NAALADL2: variants seen among roughly 807,000 people sequenced by gnomAD.
NAALADL2 encodes the protein inactive N-acetylated-alpha-linked acidic dipeptidase-like protein 2.
Under a neutral mutation model 87.2 loss-of-function variants are expected in NAALADL2, and 76 were observed. The observed-to-expected ratio is 0.87, with a 90% CI of 0.72 to 1.05. The LOEUF is 1.05. Among genes scored for constraint, NAALADL2 ranks in the 50% least tolerant of loss-of-function variants. The probability of loss-of-function intolerance (pLI) is 0.00; values close to 1 mark genes in which losing one functional copy is unlikely to be tolerated. For synonymous variants in NAALADL2, 354 were observed against 331.0 expected, an observed-to-expected ratio of 1.07 and a Z score of -0.75; for missense variants, 1,089 against 945.8, an observed-to-expected ratio of 1.15 and a Z score of -1.99.
At chr3:175,291,803 T>C (rs541557489) in intron 4 of NAALADL2, among the ~76,000 whole-genome samples, 2 of 152,142 alleles carry the variant, frequency 1.3e-5, no homozygotes, top group Non-Finnish European at 2.9e-5. Flanking sequence ...ATAATCACCA[T>C]GAAAACATAC....
chr3:174,666,299 C>A (rs566113826), intron 2 of NAALADL2, among the ~76,000 whole-genome samples: 2 of 152,234 alleles, frequency 1.3e-5, no homozygotes, highest in South Asian at 4.1e-4. Flanking sequence ...CCATAGATGA[C>A]AGCACAAACC....
At chr3:175,326,231 A>G (rs1472406175) in intron 5 of NAALADL2, among the ~76,000 whole-genome samples, 2 of 152,186 alleles carry the variant, frequency 1.3e-5, no homozygotes, top group Non-Finnish European at 2.9e-5. Context: ...CCTTTACTTC[A>G]GTTTTCAGTA....
chr3:175,313,068 G>A (rs1402009261), intron 4 of NAALADL2, among the ~76,000 whole-genome samples: 1 of 152,042 alleles, frequency 6.6e-6, no homozygotes, highest in African/African-American at 2.4e-5. Context: ...TTCTCCTAAG[G>A]CCTTTCTCCT....
At chr3:175,294,862 A>G (rs7633803) in intron 4 of NAALADL2, among the ~76,000 whole-genome samples, 126,558 of 152,142 alleles carry the variant, frequency 0.83, 53,501 homozygotes, top group African/African-American at 0.94. Context: ...TCAGTAGAGG[A>G]TCTGCCATGC....
At chr3:174,780,139 T>C (rs543390125) in intron 3 of NAALADL2, among the ~76,000 whole-genome samples, 1 of 152,288 alleles carries the variant, frequency 6.6e-6, no homozygotes, top group Admixed American at 6.5e-5. Flanking sequence ...TGTCCTCTCT[T>C]ATTTCCTTGA....
chr3:175,504,446 G>T (rs1171952904), intron 9 of NAALADL2, among the ~76,000 whole-genome samples: 5 of 152,044 alleles, frequency 3.3e-5, no homozygotes, highest in Admixed American at 6.6e-5. Context: ...CTGGAGATAG[G>T]GTCTATAGGA....
chr3:175,023,305 TTAGTGTAA>T (rs1751803445), intron 1 of NAALADL2, among the ~76,000 whole-genome samples: 1 of 152,076 alleles, frequency 6.6e-6, no homozygotes, highest in South Asian at 2.1e-4. Flanking sequence ...TCTCTTGATT[TTAGTGTAA>T]TTTATTCATA....
chr3:175,001,108 C>T (rs1440006588), intron 1 of NAALADL2, among the ~76,000 whole-genome samples: 1 of 152,200 alleles, frequency 6.6e-6, no homozygotes. Context: ...AGGAAGGTTC[C>T]AGTCCAACCC....
intron 5 of NAALADL2, among the ~76,000 whole-genome samples, chr3:175,416,960 G>A (rs1159832913): frequency 3.3e-5 from 5 of 151,646 alleles, no homozygotes; most frequent in African/African-American, 9.7e-5. Context: ...ATTAAAAAAT[G>A]TAATATTGAG....
Position 175,807,753 on chromosome 3 carries a change from GTTT to G in NAALADL2, c.*4553_*4555del, listed in dbSNP as rs1431367047. On this transcript the variant is annotated 3_prime_UTR_variant, in exon 14 of 14. Transcript: ENST00000454872. ...ATATTCTGCCCAGCCACACTGGTGAGTTTTTATTTCTTGTATGAGTTTAAATTG... is the reference window on the plus strand; with the variant it reads ...ATATTCTGCCCAGCCACACTGGTGAGTTATTTCTTGTATGAGTTTAAATTG... 1.3e-5 allele frequency: 2 copies of G among 151,832 alleles called. No homozygotes were observed. The highest frequency in any genetic ancestry group is 4.8e-5 in the African/African-American group (2 of 41,386). The allele number at this position is 151,832 out of a possible 1,614,324, so 9.4% of individuals were successfully genotyped here.
chr3:175,511,377 T>A (rs1731127233), intron 9 of NAALADL2, among the ~76,000 whole-genome samples: 1 of 152,184 alleles, frequency 6.6e-6, no homozygotes, highest in Non-Finnish European at 1.5e-5. Context: ...AGGTTCTAAT[T>A]CAATCTGACT....
At chr3:175,118,123 G>A (rs572260690) in intron 2 of NAALADL2, among the ~76,000 whole-genome samples, 7 of 138,960 alleles carry the variant, frequency 5.0e-5, no homozygotes, top group Admixed American at 1.4e-4. Flanking sequence ...CGTAGGGTGG[G>A]GGGGAGGCCA....
At chr3:174,784,280 C>T (rs1716341752) in intron 3 of NAALADL2, among the ~76,000 whole-genome samples, 2 of 152,134 alleles carry the variant, frequency 1.3e-5, no homozygotes, top group African/African-American at 2.4e-5. Flanking sequence ...GAAAATTATA[C>T]ATATGCATAT....
intron 5 of NAALADL2, among the ~76,000 whole-genome samples, chr3:175,341,019 AT>A (rs780943216): frequency 1.2e-4 from 18 of 152,066 alleles, no homozygotes; most frequent in Non-Finnish European, 2.1e-4. Context: ...TTAATGAGAT[AT>A]GATTCACATA....
At chr3:174,575,775 A>G (rs756919882) in intron 2 of NAALADL2, among the ~76,000 whole-genome samples, 14 of 152,174 alleles carry the variant, frequency 9.2e-5, no homozygotes, top group Non-Finnish European at 1.6e-4. Flanking sequence ...TTTATTGTTA[A>G]TTTAGTCATT....
intron 1 of NAALADL2, among the ~76,000 whole-genome samples, chr3:174,444,586 A>T (rs1714902665): frequency 6.6e-6 from 1 of 152,208 alleles, no homozygotes; most frequent in South Asian, 2.1e-4. Context: ...AAATCATATG[A>T]TGAAATCCCT....
Position 175,374,532 on chromosome 3 carries a change from C to G in NAALADL2, c.1090+50207C>G, listed in dbSNP as rs114986187. 2.2e-3 allele frequency among the ~76,000 whole-genome samples: 244 copies of G among 109,282 alleles called. 1 individual carries two copies. Among genetic ancestry groups the G allele is most frequent in the Non-Finnish European group, 2.1e-3 (126 of 59,554 alleles). The allele number at this position is 109,282 out of a possible 152,430, so 71.7% of individuals were successfully genotyped here. Reference sequence around the variant, plus strand: ...TCATTCCAGTCTGGTTGACAGAGTGCTGAGTACCACTGCATCTCCAGAAAA... The same window carrying G: ...TCATTCCAGTCTGGTTGACAGAGTGGTGAGTACCACTGCATCTCCAGAAAA... On this transcript the variant is annotated intron_variant, in intron 5 of 13. Transcript: ENST00000454872.
At chr3:175,667,221 AAGAAAGAAAGAAAGAAAGAAAAAG>A (rs1733217899) in intron 11 of NAALADL2, among the ~76,000 whole-genome samples, 1 of 125,846 alleles carries the variant, frequency 7.9e-6, no homozygotes, top group Admixed American at 7.2e-5. Flanking sequence ...GAAAGAAAGA[AAGAAAGAAAGAAAGAAAGAAAAAG>A]AAAGAAAGAA....
intron 5 of NAALADL2, among the ~76,000 whole-genome samples, chr3:175,432,626 G>T (rs1295083703): frequency 6.6e-6 from 1 of 151,946 alleles, no homozygotes; most frequent in Non-Finnish European, 1.5e-5. Context: ...CCTGGAATCA[G>T]CTCCCCTACA....
Sources: gnomAD v4.1 joint callset for allele counts (sites outside exome capture counted in the v4.1 genomes callset) on GRCh38, gnomAD v4.1.1 for gene constraint, MANE v1.5 for transcripts, NCBI Gene and HGNC (gene_info 2026-07-23, HGNC 2026-07-21) for gene names.